The following COL26A1 variants were observed in gnomAD, a reference collection of about 807,000 sequenced individuals.
The protein encoded by COL26A1 is collagen alpha-1(XXVI) chain.
Under a neutral mutation model 59.3 loss-of-function variants are expected in COL26A1, and 41 were observed. The ratio of observed to expected loss-of-function variants is 0.69; its 90% CI spans 0.54 to 0.90. COL26A1 has a LOEUF of 0.90. COL26A1 is among the 40% of genes least tolerant of loss of function. COL26A1 has a pLI of 0.00. For synonymous variants in COL26A1, 266 were observed against 256.0 expected, an observed-to-expected ratio of 1.04 and a Z score of -0.37; for missense variants, 612 against 602.3, an observed-to-expected ratio of 1.02 and a Z score of -0.17.
chr7:101,483,569 G>A lies in COL26A1; in HGVS notation c.385+35782G>A, dbSNP rs181879171. On this transcript the variant is annotated intron_variant, in intron 3 of 12. Coordinates refer to ENST00000313669, the MANE Select transcript of COL26A1 (RefSeq NM_001278563.3). ...GTGGCCAAGCCTATAGTGGAGTGGC[G>A]TGATCATAGCTCATTGCAGCCTTGA... Among the ~76,000 whole-genome samples, 595 of 151,494 alleles carry A rather than the reference G, an allele frequency of 3.9e-3. 3 individuals are homozygous for A. Among genetic ancestry groups the A allele is most frequent in the African/African-American group, 0.012 (501 of 41,262 alleles).
intron 3 of COL26A1, among the ~76,000 whole-genome samples, chr7:101,513,076 G>A (rs575542328): frequency 6.6e-6 from 1 of 151,826 alleles, no homozygotes; most frequent in Non-Finnish European, 1.5e-5. Flanking sequence ...GCATGATTTT[G>A]GCTCACTGCA....
Position 101,385,554 on chromosome 7 carries a change from A to G in COL26A1, c.158+22364A>G, listed in dbSNP as rs554099661. 3.4e-3 allele frequency among the ~76,000 whole-genome samples: 519 copies of G among 151,866 alleles called. 4 individuals carry two copies. Among genetic ancestry groups the G allele is most frequent in the African/African-American group, 0.012 (499 of 41,470 alleles). On this transcript the variant is annotated intron_variant, in intron 1 of 12. Transcript: ENST00000313669. ...CCCAGCTAATTTTTGTATTTTTAGTAGAGATGGGGTTTCTCCATGTTGGCC... is the reference window on the plus strand; with the variant it reads ...CCCAGCTAATTTTTGTATTTTTAGTGGAGATGGGGTTTCTCCATGTTGGCC...
At chr7:101,385,664 C>T (rs1030393869) in intron 1 of COL26A1, among the ~76,000 whole-genome samples, 1 of 151,816 alleles carries the variant, frequency 6.6e-6, no homozygotes, top group Non-Finnish European at 1.5e-5. Context: ...AGCCACCACG[C>T]CTGGCCCCAT....
At chr7:101,508,995 G>A (rs1794867613) in intron 3 of COL26A1, among the ~76,000 whole-genome samples, 1 of 152,078 alleles carries the variant, frequency 6.6e-6, no homozygotes, top group African/African-American at 2.4e-5. Flanking sequence ...AGGTTTACTT[G>A]GCTCACAGTT....
chr7:101,468,884 C>A (rs1793828218), intron 3 of COL26A1, among the ~76,000 whole-genome samples: 1 of 152,312 alleles, frequency 6.6e-6, no homozygotes, highest in Admixed American at 6.5e-5. Flanking sequence ...TGGCAGTTCC[C>A]AGGCCTGGCT....
At chr7:101,375,504 C>T (rs538617904) in intron 1 of COL26A1, among the ~76,000 whole-genome samples, 112 of 151,154 alleles carry the variant, frequency 7.4e-4, no homozygotes, top group Middle Eastern at 3.4e-3. Flanking sequence ...GAGACCAGCC[C>T]GGGCAACATA....
intron 3 of COL26A1, among the ~76,000 whole-genome samples, chr7:101,462,462 G>A (rs1465997631): frequency 6.6e-6 from 1 of 151,982 alleles, no homozygotes; most frequent in Non-Finnish European, 1.5e-5. Context: ...GATTATAGGT[G>A]TGTACCACCA....
chr7:101,474,061 G>A (rs1315777220), intron 3 of COL26A1, among the ~76,000 whole-genome samples: 1 of 152,176 alleles, frequency 6.6e-6, no homozygotes, highest in Non-Finnish European at 1.5e-5. Context: ...TGAAAAGCAT[G>A]TACGGCTGGC....
chr7:101,461,940 T>C (rs1345038198), intron 3 of COL26A1, among the ~76,000 whole-genome samples: 1 of 151,596 alleles, frequency 6.6e-6, no homozygotes, highest in Admixed American at 6.6e-5. Context: ...TTGCCTCTGC[T>C]TAGCCTGTTA....
chr7:101,447,520 G>A (rs747758499), intron 2 of COL26A1, among the ~76,000 whole-genome samples, 164 bp from the exon 3 acceptor site: 4 of 152,224 alleles, frequency 2.6e-5, no homozygotes, highest in African/African-American at 9.6e-5. Flanking sequence ...TTTTGCAAAG[G>A]CATTTGCACA....
intron 2 of COL26A1, 145 bp downstream of exon 2, chr7:101,420,244 G>T: frequency 1.1e-6 from 1 of 907,202 alleles, no homozygotes; most frequent in South Asian, 1.6e-5. Context: ...TGTATATAAG[G>T]CATGGGTGTG....
chr7:101,557,770 CGGGGTCTGG>C lies in COL26A1; in HGVS notation c.*242_*250del. 2.2e-6 allele frequency: 1 copy of C among 456,182 alleles called. No individual in the cohort carries two copies. The highest frequency in any genetic ancestry group is 3.9e-6 in the Non-Finnish European group (1 of 256,814). 28.3% of individuals were successfully genotyped at this position (456,182 alleles called of 1,614,324 possible). A position where few individuals can be genotyped will look rare whatever the true frequency, so the allele number is the denominator to read the frequency against. ...CCCTACCCCCACTCCCGGCTGGAGA[CGGGGTCTGG>C]GTGGGCTGGGTGCTGGGAATGAGAA... On this transcript the variant is annotated 3_prime_UTR_variant, in exon 13 of 13. Transcript: ENST00000313669.
At chr7:101,454,265 T>TTTC (rs996118302) in intron 3 of COL26A1, among the ~76,000 whole-genome samples, 1 of 123,912 alleles carries the variant, frequency 8.1e-6, no homozygotes, top group Admixed American at 7.9e-5. Context: ...TTTTCTTTTC[T>TTTC]TTCTTTTTTT....
intron 2 of COL26A1, among the ~76,000 whole-genome samples, chr7:101,436,843 G>A (rs1248987742): frequency 2.0e-5 from 3 of 152,078 alleles, no homozygotes; most frequent in Non-Finnish European, 4.4e-5. Context: ...AGCCCCCTGA[G>A]TAGCTGGGAT....
intron 1 of COL26A1, among the ~76,000 whole-genome samples, chr7:101,417,466 C>T (rs1339954452): frequency 6.7e-6 from 1 of 149,260 alleles, no homozygotes; most frequent in Non-Finnish European, 1.5e-5. Flanking sequence ...ACCATACCTA[C>T]CTTAGGACAG....
chr7:101,512,604 AG>A (rs1794950096), intron 3 of COL26A1, among the ~76,000 whole-genome samples: 1 of 152,206 alleles, frequency 6.6e-6, no homozygotes. Context: ...CCTGGGCAAT[AG>A]AGCAAGACCC....
chr7:101,548,902 T>A (rs965792804), intron 8 of COL26A1, among the ~76,000 whole-genome samples: 12 of 152,036 alleles, frequency 7.9e-5, no homozygotes, highest in Admixed American at 7.9e-4. Flanking sequence ...CTTCCTCCCT[T>A]GCCTGCCGGG....
intron 2 of COL26A1, among the ~76,000 whole-genome samples, chr7:101,432,907 G>T (rs1456858223): frequency 6.6e-6 from 1 of 151,992 alleles, no homozygotes; most frequent in East Asian, 2.0e-4. Context: ...TCGCCATATT[G>T]GTCAGGCTGG....
At chr7:101,453,549 G>T (rs951178873) in intron 3 of COL26A1, among the ~76,000 whole-genome samples, 1 of 152,126 alleles carries the variant, frequency 6.6e-6, no homozygotes, top group Non-Finnish European at 1.5e-5. Context: ...CTCCCTGGTG[G>T]AGAAGCCTTC....
Sources: allele counts gnomAD v4.1 joint callset (sites outside exome capture counted in the v4.1 genomes callset), GRCh38; gene constraint gnomAD v4.1.1; transcripts MANE v1.5; gene names NCBI Gene and HGNC (gene_info 2026-07-23, HGNC 2026-07-21).